ITGA8: variants seen among roughly 807,000 people sequenced by gnomAD.
The protein encoded by ITGA8 is integrin alpha-8.
A neutral mutation model predicts 142.3 loss-of-function variants in ITGA8; 91 were observed. The ratio of observed to expected loss-of-function variants is 0.64; its 90% CI spans 0.54 to 0.76. The LOEUF is 0.76. Ranked by LOEUF, ITGA8 falls within the 30% of genes least tolerant of loss-of-function variation. The pLI is 0.00. For synonymous variants in ITGA8, 505 were observed against 485.2 expected (o/e 1.04, Z -0.54); for missense variants, 1,406 against 1,327.7 (o/e 1.06, Z -0.92).
At chr10:15,525,185 T>C (rs989657418) in intron 28 of ITGA8, among the ~76,000 whole-genome samples, 3 of 152,170 alleles carry the variant, frequency 2.0e-5, no homozygotes, top group East Asian at 3.9e-4. Context: ...TTTGATTTGA[T>C]TTGAAATATC....
intron 13 of ITGA8, among the ~76,000 whole-genome samples, chr10:15,629,299 C>T (rs1833642363): frequency 6.6e-6 from 1 of 151,992 alleles, no homozygotes; most frequent in South Asian, 2.1e-4. Flanking sequence ...TCCTAGTGAG[C>T]TGCAAGATCT....
At chr10:15,648,477 T>G (rs1440339772) in intron 11 of ITGA8, among the ~76,000 whole-genome samples, 2 of 149,772 alleles carry the variant, frequency 1.3e-5, no homozygotes, top group African/African-American at 4.9e-5. Context: ...ATTATAAATA[T>G]AAAGGTCAAG....
At chr10:15,638,556 G>A (rs950706918) in intron 13 of ITGA8, among the ~76,000 whole-genome samples, 5 of 152,280 alleles carry the variant, frequency 3.3e-5, no homozygotes, top group South Asian at 4.1e-4. Flanking sequence ...AGGAGAAAGC[G>A]TTTATCTCAA....
At chr10:15,631,254 GAC>G (rs1833679960) in intron 13 of ITGA8, among the ~76,000 whole-genome samples, 1 of 151,920 alleles carries the variant, frequency 6.6e-6, no homozygotes, top group African/African-American at 2.4e-5. Context: ...CTACTATAAA[GAC>G]ACATGCACAC....
intron 20 of ITGA8, among the ~76,000 whole-genome samples, chr10:15,601,092 A>G (rs12243026): frequency 0.035 from 5,257 of 152,168 alleles, 262 homozygotes; most frequent in African/African-American, 0.11. Flanking sequence ...TACTAAAATT[A>G]GTCAGGCGTG....
At chr10:15,678,879 C>T in intron 4 of ITGA8, 96 bp from the exon 5 acceptor site, 1 of 671,818 alleles carries the variant, frequency 1.5e-6, no homozygotes, top group Non-Finnish European at 2.5e-6. Flanking sequence ...TCTCTAGAAC[C>T]TTCTAAATTA....
At chr10:15,718,214 T>A (rs1372579068) in intron 2 of ITGA8, among the ~76,000 whole-genome samples, 1 of 152,214 alleles carries the variant, frequency 6.6e-6, no homozygotes, top group Non-Finnish European at 1.5e-5. Flanking sequence ...ATTTTGGAAA[T>A]GAATGTAATC....
At chr10:15,649,583 G>T (rs182028747) in intron 11 of ITGA8, among the ~76,000 whole-genome samples, 7 of 143,326 alleles carry the variant, frequency 4.9e-5, no homozygotes, top group African/African-American at 1.8e-4. Flanking sequence ...GGCCGAGATC[G>T]CACCACTAGA....
intron 27 of ITGA8, among the ~76,000 whole-genome samples, chr10:15,535,021 T>C (rs552534643): frequency 6.6e-6 from 1 of 152,172 alleles, no homozygotes; most frequent in Non-Finnish European, 1.5e-5. Context: ...CGTGCGGTGC[T>C]TGCGGGCCAG....
At chr10:15,565,418 C>T (rs1185234915) in intron 25 of ITGA8, among the ~76,000 whole-genome samples, 2 of 151,542 alleles carry the variant, frequency 1.3e-5, no homozygotes, top group African/African-American at 2.4e-5. Context: ...AGAAGACAGC[C>T]GAGTATTGAA....
intron 8 of ITGA8, among the ~76,000 whole-genome samples, chr10:15,665,280 T>C (rs1306041739): frequency 1.3e-5 from 2 of 152,170 alleles, no homozygotes; most frequent in Non-Finnish European, 2.9e-5. Flanking sequence ...TGATGAGCAT[T>C]TTTTCATGTG....
intron 23 of ITGA8, among the ~76,000 whole-genome samples, chr10:15,585,719 C>T (rs1832816171): frequency 6.6e-6 from 1 of 152,136 alleles, no homozygotes; most frequent in Non-Finnish European, 1.5e-5. Context: ...ATTTCTTTTT[C>T]CCCCAGGCAT....
intron 27 of ITGA8, among the ~76,000 whole-genome samples, chr10:15,541,324 A>G (rs1292395093): frequency 2.6e-5 from 4 of 152,326 alleles, no homozygotes; most frequent in Middle Eastern, 3.4e-3. Context: ...CTAAGCCCCA[A>G]TTTTGGGGTT....
intron 26 of ITGA8, among the ~76,000 whole-genome samples, chr10:15,556,018 CTT>C (rs869241754): frequency 3.9e-4 from 21 of 53,630 alleles, no homozygotes; most frequent in Non-Finnish European, 5.9e-4. Context: ...CTCTCTCTCT[CTT>C]TTTTTTTTTT....
chr10:15,551,915 G>A (rs1833798527), intron 26 of ITGA8, among the ~76,000 whole-genome samples: 1 of 152,190 alleles, frequency 6.6e-6, no homozygotes, highest in South Asian at 2.1e-4. Flanking sequence ...TGGAAATCAA[G>A]AACTGCCTTG....
intron 2 of ITGA8, among the ~76,000 whole-genome samples, chr10:15,695,199 C>A (rs370447780): frequency 6.6e-6 from 1 of 152,090 alleles, no homozygotes; most frequent in South Asian, 2.1e-4. Flanking sequence ...TACAAATGAA[C>A]GGGCTTCATT....
At chr10:15,705,151 T>G (rs1835234362) in intron 2 of ITGA8, among the ~76,000 whole-genome samples, 1 of 152,180 alleles carries the variant, frequency 6.6e-6, no homozygotes, top group Admixed American at 6.5e-5. Flanking sequence ...AAATCCTACC[T>G]AAACAGGTAG....
At chr10:15,537,360 A>T (rs1009352424) in intron 27 of ITGA8, among the ~76,000 whole-genome samples, 1 of 152,200 alleles carries the variant, frequency 6.6e-6, no homozygotes, top group African/African-American at 2.4e-5. Context: ...CAGTGCAGAA[A>T]TTTGGGCTAA....
chr10:15,546,373 C>T (rs1241234376), intron 27 of ITGA8, among the ~76,000 whole-genome samples: 1 of 152,196 alleles, frequency 6.6e-6, no homozygotes, highest in Non-Finnish European at 1.5e-5. Context: ...GTCCTCCCTA[C>T]ATATTTGTTG....
Sources: gnomAD v4.1 joint callset for allele counts (sites outside exome capture counted in the v4.1 genomes callset) on GRCh38, gnomAD v4.1.1 for gene constraint, MANE v1.5 for transcripts, NCBI Gene and HGNC (gene_info 2026-07-23, HGNC 2026-07-21) for gene names.